NALF1: variants seen among roughly 807,000 people sequenced by gnomAD.
NALF1 encodes NALCN channel auxiliary factor 1, also known as family with sequence similarity 155 member A.
NALF1 carries 3 observed loss-of-function variants against 48.4 expected under a neutral mutation model. That is an observed-to-expected ratio of 0.06 (90% CI 0.03 to 0.16). NALF1 has a LOEUF of 0.16. Among genes scored for constraint, NALF1 ranks in the 10% least tolerant of loss-of-function variants. The pLI is 1.00. For missense variants in NALF1, 526 were observed against 571.5 expected (o/e 0.92, Z 0.81); for synonymous variants, 262 against 245.7 (o/e 1.07, Z -0.62).
intron 1 of NALF1, among the ~76,000 whole-genome samples, chr13:107,231,008 C>G (rs78648328): frequency 6.8e-6 from 1 of 147,850 alleles, no homozygotes; most frequent in African/African-American, 2.5e-5. Context: ...TGCAGTGAGC[C>G]CATGGTTGTG....
In NALF1 at chr13:107,166,959, G is replaced by A. The variant is rs995924073; in HGVS notation, c.*3538C>T. 2.0e-5 allele frequency: 3 copies of A among 152,180 alleles called. No individual in the cohort carries two copies. Among genetic ancestry groups the A allele is most frequent in the Admixed American group, 6.5e-5 (1 of 15,280 alleles). The allele number at this position is 152,180 out of a possible 1,614,324, so 9.4% of individuals were successfully genotyped here. A position where few individuals can be genotyped will look rare whatever the true frequency, so the allele number is the denominator to read the frequency against. The stretch of plus-strand genomic sequence containing the variant: ...GAACAACTTTCACTTACTGCCTTGT[G>A]AGAGAGGGGAAAAATACTATCTTTT... On this transcript the variant is annotated 3_prime_UTR_variant, in exon 3 of 3. Transcript: ENST00000375915.
At chr13:107,546,432 G>C (rs1949143888) in intron 1 of NALF1, among the ~76,000 whole-genome samples, 1 of 152,158 alleles carries the variant, frequency 6.6e-6, no homozygotes, top group Non-Finnish European at 1.5e-5. Flanking sequence ...GATATGTCCA[G>C]AATATAATGG....
intron 1 of NALF1, among the ~76,000 whole-genome samples, chr13:107,659,158 T>C (rs947333141): frequency 1.9e-4 from 27 of 138,828 alleles, no homozygotes; most frequent in Non-Finnish European, 3.4e-4. Context: ...CTCAAACTTG[T>C]CTTCCTAATG....
At chr13:107,183,555 G>A (rs1015555883) in intron 2 of NALF1, among the ~76,000 whole-genome samples, 1 of 152,104 alleles carries the variant, frequency 6.6e-6, no homozygotes, top group African/African-American at 2.4e-5. Context: ...TATGTTTATT[G>A]CGGCACTGTT....
At chr13:107,278,954 T>C (rs1375707140) in intron 1 of NALF1, among the ~76,000 whole-genome samples, 3 of 152,128 alleles carry the variant, frequency 2.0e-5, no homozygotes, top group East Asian at 1.9e-4. Flanking sequence ...GTAATGATGA[T>C]TGGCTTCAAA....
chr13:107,581,018 A>C (rs1398163362), intron 1 of NALF1, among the ~76,000 whole-genome samples: 1 of 152,198 alleles, frequency 6.6e-6, no homozygotes, highest in African/African-American at 2.4e-5. Context: ...AAATACGGTA[A>C]ACCCAGATAA....
chr13:107,524,429 G>A (rs1876359541), intron 1 of NALF1, among the ~76,000 whole-genome samples: 2 of 151,992 alleles, frequency 1.3e-5, no homozygotes, highest in South Asian at 4.1e-4. Flanking sequence ...GAAGGAAGAT[G>A]ACATTTCTAG....
chr13:107,612,356 T>C (rs561478457), intron 1 of NALF1, among the ~76,000 whole-genome samples: 11 of 152,210 alleles, frequency 7.2e-5, no homozygotes, highest in African/African-American at 2.2e-4. Flanking sequence ...TATAACTATG[T>C]GCATATAGTT....
At chr13:107,273,138 G>A (rs998459012) in intron 1 of NALF1, among the ~76,000 whole-genome samples, 1 of 152,128 alleles carries the variant, frequency 6.6e-6, no homozygotes, top group African/African-American at 2.4e-5. Flanking sequence ...ATATTCTTAT[G>A]CACTCCCCCA....
Position 107,685,625 on chromosome 13 carries a change from A to G in NALF1, c.915+180057T>C, listed in dbSNP as rs4083989. Among the ~76,000 whole-genome samples the G allele has an allele frequency of 0.029, 4,443 of 152,236 alleles. 348 individuals carry two copies. In the East Asian group the frequency reaches 0.29, roughly 10 times the overall value. On this transcript the variant is annotated intron_variant, in intron 1 of 2. Transcript: ENST00000375915. ...TGAAGAGCAGTCTTTTATGACATGG[A>G]ATATATTGATTTTAAAGAGAAAATT... is the stretch of plus-strand genomic sequence containing the variant.
chr13:107,590,911 C>A (rs540051572), intron 1 of NALF1, among the ~76,000 whole-genome samples: 122 of 152,084 alleles, frequency 8.0e-4, no homozygotes, highest in African/African-American at 2.8e-3. Context: ...AATCCCCCTA[C>A]ATTAGCTGTA....
At chr13:107,796,242 G>C (rs1211268990) in intron 1 of NALF1, among the ~76,000 whole-genome samples, 1 of 152,044 alleles carries the variant, frequency 6.6e-6, no homozygotes, top group East Asian at 1.9e-4. Context: ...CTAACTTCTT[G>C]AGCCCGGTAA....
At chr13:107,320,701 C>G (rs1025600851) in intron 1 of NALF1, among the ~76,000 whole-genome samples, 3 of 151,972 alleles carry the variant, frequency 2.0e-5, no homozygotes, top group Non-Finnish European at 4.4e-5. Flanking sequence ...AAAGGATCTA[C>G]GACAGGACAA....
At chr13:107,227,209 G>C (rs2138821183) in intron 1 of NALF1, among the ~76,000 whole-genome samples, 1 of 152,274 alleles carries the variant, frequency 6.6e-6, no homozygotes, top group East Asian at 1.9e-4. Context: ...CCGCATTTCG[G>C]CTGCCTTGAT....
At chr13:107,407,776 A>G (rs2138997762) in intron 1 of NALF1, among the ~76,000 whole-genome samples, 1 of 152,230 alleles carries the variant, frequency 6.6e-6, no homozygotes, top group Middle Eastern at 3.4e-3. Context: ...GAAAATTAGT[A>G]TGTTGAGCAG....
chr13:107,809,864 C>G (rs1878933135), intron 1 of NALF1, among the ~76,000 whole-genome samples: 1 of 152,034 alleles, frequency 6.6e-6, no homozygotes, highest in Non-Finnish European at 1.5e-5. Context: ...CCTCATTTAT[C>G]AACTGCATTC....
At chr13:107,294,781 T>C (rs1881693233) in intron 1 of NALF1, among the ~76,000 whole-genome samples, 1 of 152,240 alleles carries the variant, frequency 6.6e-6, no homozygotes, top group Admixed American at 6.5e-5. Flanking sequence ...ATTGTTTCTT[T>C]AGACTGTATC....
chr13:107,783,008 A>C (rs1305934251), intron 1 of NALF1, among the ~76,000 whole-genome samples: 1 of 136,504 alleles, frequency 7.3e-6, no homozygotes, highest in Non-Finnish European at 1.6e-5. Context: ...CCCGTCCGGG[A>C]GGGAGGTGGG....
chr13:107,325,810 C>T (rs1202871263), intron 1 of NALF1, among the ~76,000 whole-genome samples: 1 of 140,006 alleles, frequency 7.1e-6, no homozygotes, highest in East Asian at 2.1e-4. Context: ...CACTGCATTC[C>T]AGCCTGGGCA....
Sources: allele counts gnomAD v4.1 joint callset (sites outside exome capture counted in the v4.1 genomes callset), GRCh38; gene constraint gnomAD v4.1.1; transcripts MANE v1.5; gene names NCBI Gene and HGNC (gene_info 2026-07-23, HGNC 2026-07-21).